Variants in MADD observed in about 807,000 individuals in gnomAD.
MADD encodes MAP kinase activating death domain.
A neutral mutation model predicts 176.7 loss-of-function variants in MADD; 109 were observed. That is an observed-to-expected ratio of 0.62 (90% CI 0.53 to 0.72). MADD has a LOEUF of 0.72. Ranked by LOEUF, MADD falls within the 30% of genes least tolerant of loss-of-function variation. The pLI is 0.00. For missense variants in MADD, 1,914 were observed against 2,045.5 expected (o/e 0.94, Z 1.24); for synonymous variants, 771 against 771.3 (o/e 1.00, Z 0.01).
chr11:47,291,143 TC>T (rs1189836067), intron 19 of MADD, among the ~76,000 whole-genome samples: 1 of 152,130 alleles, frequency 6.6e-6, no homozygotes, highest in Non-Finnish European at 1.5e-5. Context: ...TGGAGAGAAT[TC>T]CTGGAAGTGC....
chr11:47,276,654 G>A, intron 4 of MADD, 78 bp from the exon 5 acceptor site: 6 of 1,553,910 alleles, frequency 3.9e-6, no homozygotes, highest in Non-Finnish European at 5.3e-6. Context: ...TGGAAACCAA[G>A]TTGTAATGTT....
chr11:47,285,619 C>G lies in MADD; in HGVS notation c.2551+29C>G, dbSNP rs745528217. On this transcript the variant is annotated intron_variant, in intron 14 of 32. Transcript: ENST00000402192. ...AGTGCCTTCAGCTGTCTCTCTCACT[C>G]CTGTGTTCCATTTTCTCTACAGCAG... The G allele has an allele frequency of 3.6e-5, 58 of 1,613,224 alleles. 2 individuals are homozygous for G. The South Asian group carries it at 5.8e-4, about 16-fold the overall frequency.
rs969018743 is a variant in MADD at position 47,285,092 on chromosome 11, A to G, written c.2309A>G (p.Asn770Ser). ...TCAGTGCGCCGGCGAATCTATGACAATCCATACTTCGAGCCCCAATATGGC... is the reference window on the plus strand; with the variant it reads ...TCAGTGCGCCGGCGAATCTATGACAGTCCATACTTCGAGCCCCAATATGGC... The change falls in exon 13 of 33, where the codon AAT becomes AGT. Residue 770 changes from asparagine (N) to serine (S), a missense_variant. Around this residue, in one of 2 missense-constraint regions of MADD, gnomAD observed 1,767 missense variants for 1,836.0 expected, o/e 0.96. Transcript: ENST00000402192. The G allele has an allele frequency of 1.1e-5, 17 of 1,613,918 alleles. No individual in the cohort carries two copies. The East Asian group carries it at 1.3e-4, about 13-fold the overall frequency.
Position 47,328,402 on chromosome 11 carries a change from A to G in MADD, c.4613-256A>G. 3 of 1,405,822 alleles carry G rather than the reference A, an allele frequency of 2.1e-6. No homozygotes were observed. In the South Asian group the frequency reaches 4.6e-5, roughly 22 times the overall value. The allele number at this position is 1,405,822 out of a possible 1,614,324, so 87.1% of individuals were successfully genotyped here. A position where few individuals can be genotyped will look rare whatever the true frequency, so the allele number is the denominator to read the frequency against. Reference sequence around the variant, plus strand: ...GGCTTTCAAAGAAGTGGGTAGAATCACGGCCATCAAGTAAACGCCACTGCG... The same window carrying G: ...GGCTTTCAAAGAAGTGGGTAGAATCGCGGCCATCAAGTAAACGCCACTGCG... On this transcript the variant is annotated intron_variant, in intron 31 of 32. Transcript: ENST00000402192.
chr11:47,327,010 G>A, intron 31 of MADD: 1 of 1,335,700 alleles, frequency 7.5e-7, no homozygotes, highest in Non-Finnish European at 9.6e-7. Flanking sequence ...TCGCAGAAGA[G>A]CAAATGGGGC....
At chr11:47,309,005 C>T (rs2085603058) in intron 23 of MADD, 2 of 1,613,952 alleles carry the variant, frequency 1.2e-6, no homozygotes, top group Non-Finnish European at 1.7e-6. Context: ...CCATGTGGGA[C>T]CAGTTAGAGG....
At chr11:47,285,058 G>C in exon 13 of MADD, 1 of 1,614,040 alleles carries the variant, frequency 6.2e-7, no homozygotes, top group Non-Finnish European at 8.5e-7. Context: ...GGCAGAAATT[G>C]GAGAGGGGTC....
At chr11:47,311,736 A>G (rs781515983) in exon 26 of MADD, 1 of 1,606,916 alleles carries the variant, frequency 6.2e-7, no homozygotes, top group Non-Finnish European at 8.5e-7. Context: ...TTTCAGGTAA[A>G]TAAGAATGAC....
chr11:47,290,203 C>T, exon 18 of MADD: 1 of 1,614,120 alleles, frequency 6.2e-7, no homozygotes, highest in Non-Finnish European at 8.5e-7. Context: ...GTGTACAGTC[C>T]TCAGCTTGGA....
At chr11:47,308,814 A>G in intron 23 of MADD, 115 bp downstream of exon 25, 1 of 1,021,822 alleles carries the variant, frequency 9.8e-7, no homozygotes, top group Non-Finnish European at 1.5e-6. Flanking sequence ...TGCTAACATT[A>G]GATAGCAGTT....
Position 47,282,738 on chromosome 11 carries a change from C to T in MADD, c.1706-75C>T, listed in dbSNP as rs1172989108. On this transcript the variant is annotated intron_variant, in intron 9 of 32. Transcript: ENST00000402192. Reference sequence around the variant, plus strand: ...ATCCTGGCTCTGCTTTAGACTTTTTCCTGCCTTTCTTTCAGGCGTTGCTTG... The same window carrying T: ...ATCCTGGCTCTGCTTTAGACTTTTTTCTGCCTTTCTTTCAGGCGTTGCTTG... The T allele has an allele frequency of 1.9e-6, 3 of 1,595,860 alleles. No homozygotes were observed. The African/African-American group carries it at 4.0e-5, about 21-fold the overall frequency.
At chr11:47,287,782 A>ATTTTTTT (rs57417064) in intron 15 of MADD, among the ~76,000 whole-genome samples, 8 of 55,044 alleles carry the variant, frequency 1.5e-4, no homozygotes, top group East Asian at 1.1e-3. Flanking sequence ...AGAAACATGT[A>ATTTTTTT]TTTTTTTTTT....
At chr11:47,305,653 C>T (rs112831241) in intron 22 of MADD, among the ~76,000 whole-genome samples, 2 of 152,162 alleles carry the variant, frequency 1.3e-5, no homozygotes, top group African/African-American at 4.8e-5. Flanking sequence ...GCAATGGCAG[C>T]GAATACCCCA....
chr11:47,312,281 C>T (rs907369587), intron 26 of MADD, among the ~76,000 whole-genome samples: 3 of 152,200 alleles, frequency 2.0e-5, no homozygotes, highest in Non-Finnish European at 4.4e-5. Context: ...CTGACTCTCA[C>T]TCTGTCGCCC....
At chr11:47,317,685 C>T (rs977258149) in intron 27 of MADD, among the ~76,000 whole-genome samples, 1 of 152,174 alleles carries the variant, frequency 6.6e-6, no homozygotes, top group Non-Finnish European at 1.5e-5. Flanking sequence ...TGTGGGCAAC[C>T]TGATCTGCCC....
At position 47,315,362 on chromosome 11, in the gene MADD, T is replaced by C. The variant is rs1438851665; in HGVS notation, c.4197+35T>C. On this transcript the variant is annotated intron_variant, in intron 27 of 32. Transcript: ENST00000402192. Reference sequence around the variant, plus strand: ...GGTTCATGCTGGGGGCCCAAAGGGCTATTGAGAGTCACAGGGAACTCATAG... The same window carrying C: ...GGTTCATGCTGGGGGCCCAAAGGGCCATTGAGAGTCACAGGGAACTCATAG... 4 of 1,320,810 alleles carry C rather than the reference T, an allele frequency of 3.0e-6. No homozygotes were observed. In the Admixed American group the frequency reaches 6.8e-5, roughly 22 times the overall value. The allele number at this position is 1,320,810 out of a possible 1,614,324, so 81.8% of individuals were successfully genotyped here.
exon 13 of MADD, chr11:47,285,129 G>A (rs201805956): frequency 6.2e-7 from 1 of 1,614,122 alleles, no homozygotes; most frequent in African/African-American, 1.3e-5. Flanking sequence ...TTCCCCCTGA[G>A]GAAGATGAGG....
chr11:47,282,618 T>C lies in MADD; in HGVS notation c.1705+2T>C, dbSNP rs2057724537. The stretch of plus-strand genomic sequence containing the variant: ...ATGCCTTTCAGCGAATTCACAACAG[T>C]GAGTCTACCTGCCCTCTGCTCCGCT... On this transcript the variant is annotated splice_donor_variant, in intron 9 of 32. Transcript: ENST00000402192. LOFTEE classifies it high-confidence loss of function. The C allele has an allele frequency of 6.2e-7, 1 of 1,613,692 alleles. No homozygotes were observed. The highest frequency in any genetic ancestry group is 1.3e-5 in the African/African-American group (1 of 75,028).
chr11:47,302,051 T>G (rs1027381420), intron 22 of MADD, among the ~76,000 whole-genome samples: 1 of 152,192 alleles, frequency 6.6e-6, no homozygotes, highest in African/African-American at 2.4e-5. Flanking sequence ...ATGCTGAGAG[T>G]GGGGTATTGA....
Sources: allele counts gnomAD v4.1 joint callset (sites outside exome capture counted in the v4.1 genomes callset), GRCh38; gene constraint gnomAD v4.1.1; regional missense constraint gnomAD v4.1.1; transcripts MANE v1.5; gene names NCBI Gene and HGNC (gene_info 2026-07-23, HGNC 2026-07-21).